Variants in KIAA1217 observed in about 807,000 individuals in gnomAD.
The protein encoded by KIAA1217 is sickle tail protein homolog.
In KIAA1217, 88 loss-of-function variants were observed where a neutral mutation model predicts 163.9. That is an observed-to-expected ratio of 0.54 (90% CI 0.45 to 0.64). KIAA1217 has a LOEUF of 0.64. KIAA1217 is among the 30% of genes least tolerant of loss of function. The pLI, the probability that KIAA1217 is intolerant of heterozygous loss-of-function variation, is 0.00. For synonymous variants in KIAA1217, 903 were observed against 923.1 expected (o/e 0.98, Z 0.39); for missense variants, 2,372 against 2,475.0 (o/e 0.96, Z 0.88).
At chr10:23,793,317 T>A (rs146871182) in intron 1 of KIAA1217, among the ~76,000 whole-genome samples, 1 of 152,176 alleles carries the variant, frequency 6.6e-6, no homozygotes. Flanking sequence ...GAGATCCCTA[T>A]GCCACTCCCA....
At chr10:24,492,927 C>T (rs948074064) in intron 6 of KIAA1217, among the ~76,000 whole-genome samples, 12 of 151,970 alleles carry the variant, frequency 7.9e-5, no homozygotes, top group South Asian at 2.1e-4. Context: ...CTCACTGTAG[C>T]CTCCACCTCC....
intron 1 of KIAA1217, among the ~76,000 whole-genome samples, chr10:23,705,429 A>G (rs1424983776): frequency 6.6e-6 from 1 of 152,088 alleles, no homozygotes; most frequent in African/African-American, 2.4e-5. Context: ...AGATTTTTGT[A>G]TATGGTGTGA....
intron 2 of KIAA1217, among the ~76,000 whole-genome samples, chr10:24,351,974 C>A (rs1366823282): frequency 6.6e-6 from 1 of 152,230 alleles, no homozygotes. Context: ...CAGGACTCTA[C>A]ATATGCCGGT....
At chr10:23,852,558 A>G (rs1246891523) in intron 1 of KIAA1217, among the ~76,000 whole-genome samples, 1 of 152,178 alleles carries the variant, frequency 6.6e-6, no homozygotes, top group Middle Eastern at 3.2e-3. Flanking sequence ...GAAGAAAGCC[A>G]TTGGTAGCTT....
chr10:23,942,043 T>C (rs111487751), intron 1 of KIAA1217, among the ~76,000 whole-genome samples: 2 of 152,300 alleles, frequency 1.3e-5, no homozygotes, highest in African/African-American at 4.8e-5. Context: ...CTCTACAATA[T>C]GTAATTTACT....
chr10:24,062,151 A>ATTC (rs2060747940), intron 2 of KIAA1217, among the ~76,000 whole-genome samples: 1 of 151,738 alleles, frequency 6.6e-6, no homozygotes, highest in African/African-American at 2.4e-5. Flanking sequence ...TTTTATTATT[A>ATTC]TTATACTTTA....
chr10:24,358,694 A>G (rs2049460777), intron 2 of KIAA1217, among the ~76,000 whole-genome samples: 1 of 152,244 alleles, frequency 6.6e-6, no homozygotes. Context: ...GTGGTTGGCC[A>G]TAGTGAAAAC....
At chr10:23,858,826 C>G (rs563514955) in intron 1 of KIAA1217, among the ~76,000 whole-genome samples, 1 of 152,140 alleles carries the variant, frequency 6.6e-6, no homozygotes, top group Non-Finnish European at 1.5e-5. Flanking sequence ...CCTGCCAAGA[C>G]TTAAGAGACA....
intron 6 of KIAA1217, chr10:24,481,634 C>A (rs528101113): frequency 6.6e-6 from 1 of 152,284 alleles, no homozygotes; most frequent in South Asian, 2.1e-4. Flanking sequence ...AGCTGGAAAT[C>A]CAACCACCAT....
chr10:24,404,085 C>G (rs774278726), intron 3 of KIAA1217, among the ~76,000 whole-genome samples: 1 of 152,130 alleles, frequency 6.6e-6, no homozygotes, highest in Non-Finnish European at 1.5e-5. Context: ...AACTTCCTGA[C>G]TAGCTGGGAC....
chr10:23,946,733 A>G (rs922116324), intron 1 of KIAA1217, among the ~76,000 whole-genome samples: 5 of 152,170 alleles, frequency 3.3e-5, no homozygotes, highest in Non-Finnish European at 7.4e-5. Context: ...CATCTTTCTG[A>G]TAGGTAAAAC....
chr10:23,801,970 A>G (rs1836488373), intron 1 of KIAA1217, among the ~76,000 whole-genome samples: 2 of 152,194 alleles, frequency 1.3e-5, no homozygotes, highest in African/African-American at 4.8e-5. Context: ...TATATTCCCT[A>G]AAGTCCTTCT....
At chr10:24,321,980 G>A (rs184597170) in intron 2 of KIAA1217, among the ~76,000 whole-genome samples, 11 of 152,062 alleles carry the variant, frequency 7.2e-5, no homozygotes, top group East Asian at 5.8e-4. Context: ...ACAGGGTCTC[G>A]CTCTGTCACC....
intron 5 of KIAA1217, among the ~76,000 whole-genome samples, chr10:24,471,026 C>T (rs1294088753): frequency 6.6e-6 from 1 of 152,178 alleles, no homozygotes; most frequent in Non-Finnish European, 1.5e-5. Context: ...AGAATAACCC[C>T]AGGCACTTAC....
intron 1 of KIAA1217, among the ~76,000 whole-genome samples, chr10:23,983,178 G>A (rs766889486): frequency 2.5e-4 from 38 of 152,030 alleles, no homozygotes; most frequent in Non-Finnish European, 4.0e-4. Context: ...ACATCATAGA[G>A]CGAAGCCCAA....
chr10:23,884,575 T>G (rs2131198369), intron 1 of KIAA1217, among the ~76,000 whole-genome samples: 1 of 152,112 alleles, frequency 6.6e-6, no homozygotes, highest in East Asian at 2.0e-4. Context: ...TAGCCTGTAA[T>G]GCACTATCAG....
Position 24,141,225 on chromosome 10 carries a change from A to ACCCC in KIAA1217, c.-170-78392_-170-78389dup, listed in dbSNP as rs34205608. On this transcript the variant is annotated intron_variant, in intron 2 of 18. Transcript: ENST00000376462. ...CTCTTAATGCTCAGAGAAAGAATAA[A>ACCCC]CCCCCCCCCCCCATTTCTCTCTTCT... Among the ~76,000 whole-genome samples, 326 of 76,264 alleles carry ACCCC rather than the reference A, an allele frequency of 4.3e-3. 17 individuals are homozygous for ACCCC. Among genetic ancestry groups the ACCCC allele is most frequent in the Middle Eastern group, 0.01 (1 of 96 alleles). The allele number at this position is 76,264 out of a possible 152,430, so 50.0% of individuals were successfully genotyped here.
intron 2 of KIAA1217, among the ~76,000 whole-genome samples, chr10:24,116,742 C>T (rs1489647573): frequency 6.6e-6 from 1 of 152,124 alleles, no homozygotes; most frequent in African/African-American, 2.4e-5. Context: ...TTCCTAATAA[C>T]CCTCCTTACC....
chr10:23,720,471 C>T (rs1224148056), intron 1 of KIAA1217, among the ~76,000 whole-genome samples: 1 of 152,030 alleles, frequency 6.6e-6, no homozygotes, highest in East Asian at 1.9e-4. Context: ...TCTTTGTGGA[C>T]ATTAATTTTG....
Sources: allele counts gnomAD v4.1 joint callset (sites outside exome capture counted in the v4.1 genomes callset), GRCh38; gene constraint gnomAD v4.1.1; transcripts MANE v1.5; gene names NCBI Gene and HGNC (gene_info 2026-07-23, HGNC 2026-07-21).